The following SUGP2 variants were observed in gnomAD, a reference collection of about 807,000 sequenced individuals.
SUGP2 encodes SURP and G-patch domain-containing protein 2.
In SUGP2, 24 loss-of-function variants were observed where a neutral mutation model predicts 90.5. That is an observed-to-expected ratio of 0.27 (90% CI 0.19 to 0.37). The LOEUF (loss-of-function observed/expected upper bound fraction) is 0.37, where lower values mean the gene tolerates loss of function less well. Among genes scored for constraint, SUGP2 ranks in the 10% least tolerant of loss-of-function variants. SUGP2 has a pLI of 1.00. For synonymous variants in SUGP2, 473 were observed against 513.4 expected (o/e 0.92, Z 1.06); for missense variants, 1,233 against 1,363.3 (o/e 0.90, Z 1.51).
At chr19:19,026,887 C>A (rs1167743600) in intron 2 of SUGP2, among the ~76,000 whole-genome samples, 1 of 152,088 alleles carries the variant, frequency 6.6e-6, no homozygotes, top group African/African-American at 2.4e-5. Context: ...AACCACAGAC[C>A]GAGGCAGGCA....
intron 7 of SUGP2, among the ~76,000 whole-genome samples, chr19:19,002,140 G>A (rs1352209049): frequency 6.6e-6 from 1 of 152,200 alleles, no homozygotes; most frequent in Non-Finnish European, 1.5e-5. Flanking sequence ...ATCACTTTGG[G>A]AGGCCGAGAT....
intron 1 of SUGP2, 200 bp downstream of exon 1, chr19:19,033,237 G>A (rs1382318782): frequency 9.8e-6 from 4 of 408,366 alleles, no homozygotes; most frequent in Admixed American, 5.8e-5. Context: ...CCCGGCCTCT[G>A]CGGGCGAGGA....
At chr19:18,999,609 G>A (rs1349647133) in intron 8 of SUGP2, among the ~76,000 whole-genome samples, 1 of 152,174 alleles carries the variant, frequency 6.6e-6, no homozygotes, top group Non-Finnish European at 1.5e-5. Flanking sequence ...ATGAGCTCTG[G>A]ACTCGGGAAG....
rs2057429375 is a variant in SUGP2, at chr19:18,993,053, C to A, written c.*688G>T. 1 of 152,174 alleles carries A rather than the reference C, an allele frequency of 6.6e-6. No individual in the cohort carries two copies. The highest frequency in any genetic ancestry group is 2.1e-4 in the South Asian group (1 of 4,828). The allele number at this position is 152,174 out of a possible 1,614,324, so 9.4% of individuals were successfully genotyped here. On this transcript the variant is annotated 3_prime_UTR_variant, in exon 11 of 11. Transcript: ENST00000452918. ...CCTTTGTAACTGTAGTTTGCTTACA[C>A]TGTGGATTCTAAAGAGACATGTAAA... is the stretch of plus-strand genomic sequence containing the variant.
In SUGP2 at chr19:18,997,283, A is replaced by T. The variant is rs569854321; in HGVS notation, c.2992-2003T>A. Among the ~76,000 whole-genome samples, 24 of 150,870 alleles carry T rather than the reference A, an allele frequency of 1.6e-4. No homozygotes were observed. In the South Asian group the frequency reaches 4.4e-3, roughly 28 times the overall value. On this transcript the variant is annotated intron_variant, in intron 8 of 10. Coordinates refer to ENST00000452918, the MANE Select transcript of SUGP2 (RefSeq NM_001017392.5). ...AGGCACAAAAGGCTGAGCCTGGGGGAGCCAGGGGCTGGGAGAGGAAAGGGA... is the reference window on the plus strand; with the variant it reads ...AGGCACAAAAGGCTGAGCCTGGGGGTGCCAGGGGCTGGGAGAGGAAAGGGA...
At chr19:19,030,174 A>C (rs905189176) in intron 2 of SUGP2, among the ~76,000 whole-genome samples, 8 of 151,852 alleles carry the variant, frequency 5.3e-5, no homozygotes, top group Non-Finnish European at 1.2e-4. Flanking sequence ...AACAAAAAAA[A>C]CAAAAACATA....
chr19:19,019,950 C>T (rs1280993515), intron 3 of SUGP2, among the ~76,000 whole-genome samples: 4 of 131,192 alleles, frequency 3.0e-5, no homozygotes, highest in African/African-American at 2.9e-5. Context: ...AGTTCAAGAC[C>T]ACACTGGGCA....
intron 4 of SUGP2, among the ~76,000 whole-genome samples, chr19:19,016,657 T>C (rs1333660264): frequency 1.3e-5 from 2 of 152,176 alleles, no homozygotes; most frequent in African/African-American, 4.8e-5. Flanking sequence ...TTACTAGTTG[T>C]GGATCCTCAA....
intron 6 of SUGP2, among the ~76,000 whole-genome samples, chr19:19,007,111 T>G (rs1337237637): frequency 1.3e-5 from 2 of 152,084 alleles, no homozygotes; most frequent in Non-Finnish European, 2.9e-5. Flanking sequence ...GGAGGGGACA[T>G]CTCATGTCAC....
chr19:19,002,513 T>G lies in SUGP2; in HGVS notation c.2930-839A>C, dbSNP rs1159695273. The stretch of plus-strand genomic sequence containing the variant: ...GGGAGATTAGCAAGTCTGTTTTTTT[T>G]TTTTTTTTTTTTTTTTTGAGACACA... On this transcript the variant is annotated intron_variant, in intron 7 of 10. Transcript: ENST00000452918. Among the ~76,000 whole-genome samples, 605 of 139,004 alleles carry G rather than the reference T, an allele frequency of 4.4e-3. 6 individuals are homozygous for G. Among genetic ancestry groups the G allele is most frequent in the African/African-American group, 0.015 (578 of 37,754 alleles). The allele number at this position is 139,004 out of a possible 152,430, so 91.2% of individuals were successfully genotyped here. A position where few individuals can be genotyped will look rare whatever the true frequency, so the allele number is the denominator to read the frequency against.
intron 3 of SUGP2, among the ~76,000 whole-genome samples, chr19:19,023,713 A>T: frequency 6.6e-6 from 1 of 152,114 alleles, no homozygotes; most frequent in East Asian, 1.9e-4. Flanking sequence ...AGTCTGGGCA[A>T]CATGATTCTC....
intron 2 of SUGP2, 87 bp from the exon 3 acceptor site, chr19:19,026,313 C>G (rs772626556): frequency 4.4e-6 from 6 of 1,350,234 alleles, no homozygotes; most frequent in Non-Finnish European, 4.9e-6. Flanking sequence ...AAACAGTCCA[C>G]GGATCACCAG....
At chr19:19,012,909 G>A (rs1347125163) in intron 4 of SUGP2, among the ~76,000 whole-genome samples, 1 of 152,098 alleles carries the variant, frequency 6.6e-6, no homozygotes, top group African/African-American at 2.4e-5. Context: ...TGTCACCCAG[G>A]CTGGAGTGCA....
chr19:18,996,213 G>A lies in SUGP2; in HGVS notation c.2992-933C>T, dbSNP rs558184441. 3.1e-4 allele frequency among the ~76,000 whole-genome samples: 47 copies of A among 152,108 alleles called. 1 individual carries two copies. The South Asian group carries it at 8.3e-3, about 27-fold the overall frequency. ...GGAGTTCCAGACCAGCCTGGCCAAC[G>A]TGGCAAAACCCCGTCTCTACTAAAA... On this transcript the variant is annotated intron_variant, in intron 8 of 10. Transcript: ENST00000452918.
At chr19:19,032,889 C>T (rs894733068) in intron 1 of SUGP2, among the ~76,000 whole-genome samples, 8 of 152,144 alleles carry the variant, frequency 5.3e-5, no homozygotes, top group Admixed American at 3.3e-4. Flanking sequence ...TTTCCCATCA[C>T]GATCACCGCC....
At chr19:19,030,227 T>C (rs1404214008) in intron 2 of SUGP2, among the ~76,000 whole-genome samples, 1 of 152,010 alleles carries the variant, frequency 6.6e-6, no homozygotes. Flanking sequence ...CGGTGGCTCA[T>C]GCCTGTAATC....
In SUGP2 at chr19:19,024,701, T is replaced by C; in HGVS notation, c.1647A>G (p.Pro549=). ...TTTTCTCCTCCTCTCGCATCGGCTCTGGTTCGGCTTTCTTAACCTGGAGGG... is the reference window on the plus strand; with the variant it reads ...TTTTCTCCTCCTCTCGCATCGGCTCCGGTTCGGCTTTCTTAACCTGGAGGG... The part of the protein sequence containing the change: ...GCPLQVKKAE[P]EPMREEEKMI... Residue 549 remains proline (P), a synonymous_variant, in exon 3 of 11, where the codon CCA becomes CCG. Transcript: ENST00000452918. The C allele has an allele frequency of 6.2e-7, 1 of 1,614,238 alleles. No homozygotes were observed. The highest frequency in any genetic ancestry group is 8.5e-7 in the Non-Finnish European group (1 of 1,180,044).
chr19:19,019,048 A>G (rs1280384962), intron 4 of SUGP2, 61 bp downstream of exon 4: 3 of 1,569,294 alleles, frequency 1.9e-6, no homozygotes, highest in Middle Eastern at 1.7e-4. Context: ...CATCAGAGTG[A>G]CCCAAATTTT....
In SUGP2 at chr19:18,995,138, G is replaced by A. The variant is rs2057523957; in HGVS notation, c.3128+6C>T. The stretch of plus-strand genomic sequence containing the variant: ...CCACTCCCACCCCAGGCTGCCTGCT[G>A]CGTACACGCTGACCGGCTCCCTGAT... On this transcript the variant is annotated splice_donor_region_variant and intron_variant, in intron 9 of 10. Transcript: ENST00000452918. The A allele has an allele frequency of 6.2e-7, 1 of 1,611,006 alleles. No individual in the cohort carries two copies. The highest frequency in any genetic ancestry group is 8.5e-7 in the Non-Finnish European group (1 of 1,178,912).
Sources: allele counts gnomAD v4.1 joint callset (sites outside exome capture counted in the v4.1 genomes callset), GRCh38; gene constraint gnomAD v4.1.1; transcripts MANE v1.5; gene names NCBI Gene and HGNC (gene_info 2026-07-23, HGNC 2026-07-21).